EDN3: variants seen among roughly 807,000 people sequenced by gnomAD.
EDN3 encodes endothelin 3, also known as endothelin-3.
A neutral mutation model predicts 21.4 loss-of-function variants in EDN3; 9 were observed. The observed-to-expected ratio is 0.42, with a 90% CI of 0.25 to 0.73. EDN3 has a LOEUF of 0.73. EDN3 is among the 30% of genes least tolerant of loss of function. The probability of loss-of-function intolerance (pLI) is 0.26; values close to 1 mark genes in which losing one functional copy is unlikely to be tolerated. For synonymous variants in EDN3, 133 were observed against 126.2 expected (o/e 1.05, Z -0.36); for missense variants, 327 against 309.4 (o/e 1.06, Z -0.43).
chr20:59,300,669 G>A lies in EDN3; in HGVS notation c.-144G>A, dbSNP rs1437582223. The A allele has an allele frequency of 9.1e-6, 7 of 765,218 alleles. No homozygotes were observed. Among genetic ancestry groups the A allele is most frequent in the East Asian group, 2.7e-5 (1 of 36,838 alleles). The allele number at this position is 765,218 out of a possible 1,614,324, so 47.4% of individuals were successfully genotyped here. A position where few individuals can be genotyped will look rare whatever the true frequency, so the allele number is the denominator to read the frequency against. On this transcript the variant is annotated 5_prime_UTR_variant, in exon 1 of 5. Coordinates refer to ENST00000337938, the MANE Select transcript of EDN3 (RefSeq NM_207034.3). ...TGACCGCCGCAGCCAACTCCTGGCC[G>A]GAGCTGGAGACGCAGCGAGCGATCG...
intron 2 of EDN3, among the ~76,000 whole-genome samples, chr20:59,316,242 T>G (rs1397400669): frequency 6.6e-6 from 1 of 152,184 alleles, no homozygotes; most frequent in Non-Finnish European, 1.5e-5. Flanking sequence ...AAATGCCAAT[T>G]TGCTGACCTC....
At chr20:59,303,190 A>C (rs1989166749) in intron 2 of EDN3, among the ~76,000 whole-genome samples, 1 of 152,244 alleles carries the variant, frequency 6.6e-6, no homozygotes, top group Admixed American at 6.5e-5. Context: ...GGGTCCCATA[A>C]ATTCTGTAGC....
intron 1 of EDN3, 112 bp downstream of exon 1, chr20:59,300,976 T>A: frequency 1.5e-6 from 2 of 1,309,186 alleles, no homozygotes; most frequent in Non-Finnish European, 2.1e-6. Flanking sequence ...AACTCTTGCC[T>A]GGGCTCTGCA....
chr20:59,308,471 G>A (rs1461320791), intron 2 of EDN3, among the ~76,000 whole-genome samples: 1 of 152,218 alleles, frequency 6.6e-6, no homozygotes, highest in Non-Finnish European at 1.5e-5. Flanking sequence ...GTCACGTGGA[G>A]GAGGAACAGA....
chr20:59,324,393 C>G lies in EDN3; in HGVS notation c.651C>G (p.Pro217=), dbSNP rs748005608. The G allele has an allele frequency of 6.2e-6, 10 of 1,614,134 alleles. No homozygotes were observed. Among genetic ancestry groups the G allele is most frequent in the Non-Finnish European group, 8.5e-6 (10 of 1,180,020 alleles). ...ACCTCCACCATCCAAAGCTCATGCCCGGCAGTGGACTCGCCCTCGCTCCAT... is the reference window on the plus strand; with the variant it reads ...ACCTCCACCATCCAAAGCTCATGCCGGGCAGTGGACTCGCCCTCGCTCCAT... ...ALDLHHPKLM[P]GSGLALAPST... Residue 217 remains proline, a synonymous_variant, in exon 5 of 5, where the codon CCC becomes CCG. Transcript: ENST00000337938.
chr20:59,305,733 T>C lies in EDN3; in HGVS notation c.365+4011T>C, dbSNP rs1490042929. ...CGAGGGAGTTGATGTCAAGGAGGTC[T>C]GGAAGCAGAATTCTTTTCTGTTCGG... On this transcript the variant is annotated intron_variant, in intron 2 of 4. Transcript: ENST00000337938. The surrounding 1 kb of genome is among the most constrained non-coding windows in gnomAD (Gnocchi z 4.2). 6.6e-6 allele frequency among the ~76,000 whole-genome samples: 1 copy of C among 152,238 alleles called. No homozygotes were observed. Among genetic ancestry groups the C allele is most frequent in the Non-Finnish European group, 1.5e-5 (1 of 68,042 alleles).
rs1988996818 is a variant in EDN3 at position 59,301,325 on chromosome 20, A to AC, written c.53-79dup. ...ACTTTGCAGACATTTTGCTTGCTCC[A>AC]CCCCCCTCCTCAGGTGTTTGGGGGT... On this transcript the variant is annotated intron_variant, in intron 1 of 4. Transcript: ENST00000337938. 4.0e-6 allele frequency: 6 copies of AC among 1,510,054 alleles called. No individual in the cohort carries two copies. The Admixed American group carries it at 5.3e-5, about 13-fold the overall frequency. The allele number at this position is 1,510,054 out of a possible 1,614,324, so 93.5% of individuals were successfully genotyped here.
chr20:59,324,669 A>C lies in EDN3; in HGVS notation c.*210A>C. 3.1e-6 allele frequency: 2 copies of C among 649,872 alleles called. No individual in the cohort carries two copies. Among genetic ancestry groups the C allele is most frequent in the Non-Finnish European group, 5.3e-6 (2 of 377,370 alleles). The allele number at this position is 649,872 out of a possible 1,614,324, so 40.3% of individuals were successfully genotyped here. On this transcript the variant is annotated 3_prime_UTR_variant, in exon 5 of 5. Transcript: ENST00000337938. ...TTCCTAATGAGTAAAATGATCCCAGATGTGCCCCAGAGCATGACGCCTGCA... is the reference window on the plus strand; with the variant it reads ...TTCCTAATGAGTAAAATGATCCCAGCTGTGCCCCAGAGCATGACGCCTGCA...
At position 59,324,578 on chromosome 20, in the gene EDN3, A is replaced by C; in HGVS notation, c.*119A>C. 4.2e-6 allele frequency: 6 copies of C among 1,411,826 alleles called. No homozygotes were observed. The highest frequency in any genetic ancestry group is 3.9e-6 in the Non-Finnish European group (4 of 1,020,292). 87.5% of individuals were successfully genotyped at this position (1,411,826 alleles called of 1,614,324 possible). On this transcript the variant is annotated 3_prime_UTR_variant, in exon 5 of 5. Transcript: ENST00000337938. Reference sequence around the variant, plus strand: ...TTGCCTGGGGCAGAACACCCACCCAAAGAGTCCCCACTTAACAATACCCCC... The same window carrying C: ...TTGCCTGGGGCAGAACACCCACCCACAGAGTCCCCACTTAACAATACCCCC...
At position 59,321,044 on chromosome 20, in the gene EDN3, C is replaced by T. The variant is rs777336048; in HGVS notation, c.393C>T (p.Asn131=). ...AGACGGTGCCCTATGGACTGTCCAA[C>T]TACAGAGGAAGCTTCCGGGGCAAGA... ...PEQTVPYGLS[N]YRGSFRGKRS... is the part of the protein sequence containing the mutation. The change falls in exon 3 of 5, where the codon AAC becomes AAT. Residue 131 remains asparagine, a synonymous_variant. Transcript: ENST00000337938. The T allele has an allele frequency of 1.9e-6, 3 of 1,614,220 alleles. No homozygotes were observed. Among genetic ancestry groups the T allele is most frequent in the East Asian group, 4.5e-5 (2 of 44,884 alleles).
rs1990608091 is a variant in EDN3, at chr20:59,322,443, G to A, written c.588+26G>A. 6.2e-7 allele frequency: 1 copy of A among 1,614,174 alleles called. No homozygotes were observed. Among genetic ancestry groups the A allele is most frequent in the East Asian group, 2.2e-5 (1 of 44,886 alleles). ...GTGAGAGGTGCCAACAGAGGCCTGT[G>A]TCAAAGGAGGTGAAGATGTGACGTG... is the stretch of plus-strand genomic sequence containing the variant. On this transcript the variant is annotated intron_variant, in intron 4 of 4. Transcript: ENST00000337938. This position sits in a 1 kb window ranked among gnomAD's most constrained non-coding sequence, Gnocchi z 4.1.
chr20:59,306,132 C>T (rs1989394714), intron 2 of EDN3, among the ~76,000 whole-genome samples: 1 of 152,206 alleles, frequency 6.6e-6, no homozygotes, highest in African/African-American at 2.4e-5. Context: ...CTGTTCATCC[C>T]TCTAAGGACA....
chr20:59,311,106 C>A (rs1989774381), intron 2 of EDN3, among the ~76,000 whole-genome samples: 4 of 152,138 alleles, frequency 2.6e-5, no homozygotes, highest in Admixed American at 6.5e-5. Context: ...CAGGATCCAG[C>A]CCTGAGCTTG....
chr20:59,303,255 G>A (rs1479832279), intron 2 of EDN3, among the ~76,000 whole-genome samples: 3 of 152,190 alleles, frequency 2.0e-5, no homozygotes, highest in African/African-American at 7.2e-5. Context: ...AGGATGGGAG[G>A]TGCCTCCCTG....
In EDN3 at chr20:59,300,759, C is replaced by T; in HGVS notation, c.-54C>T. The T allele has an allele frequency of 6.3e-7, 1 of 1,577,732 alleles. No individual in the cohort carries two copies. Among genetic ancestry groups the T allele is most frequent in the South Asian group, 1.1e-5 (1 of 87,566 alleles). ...TGTACCCGGCCCCAGTGCCCTTTCG[C>T]GGCCACAAGCGGCCGTCCTCCTGGT... On this transcript the variant is annotated 5_prime_UTR_variant, in exon 1 of 5. Transcript: ENST00000337938.
chr20:59,304,656 G>A (rs1265994396), intron 2 of EDN3, among the ~76,000 whole-genome samples: 2 of 152,156 alleles, frequency 1.3e-5, no homozygotes, highest in African/African-American at 4.8e-5. Context: ...CTGAGATGCT[G>A]CAGGAGTCAT....
chr20:59,302,440 G>A (rs144424126), intron 2 of EDN3, among the ~76,000 whole-genome samples: 25 of 152,264 alleles, frequency 1.6e-4, no homozygotes, highest in African/African-American at 5.3e-4. Context: ...CTTGGGGTTC[G>A]TCCAGTGGGG....
chr20:59,308,001 A>T (rs748545783), intron 2 of EDN3, among the ~76,000 whole-genome samples: 1 of 152,158 alleles, frequency 6.6e-6, no homozygotes, highest in East Asian at 1.9e-4. Context: ...ATGTTAACAC[A>T]TGGGCAAAAC....
chr20:59,320,952 C>G, intron 2 of EDN3, 65 bp from the exon 3 acceptor site: 1 of 1,596,138 alleles, frequency 6.3e-7, no homozygotes, highest in Non-Finnish European at 8.6e-7. Context: ...TCGCTCCACA[C>G]CCTTGGGGGC....
Sources: gnomAD v4.1 joint callset for allele counts (sites outside exome capture counted in the v4.1 genomes callset) on GRCh38, gnomAD v4.1.1 for gene constraint, Gnocchi (gnomAD v3.1) non-coding constraint, MANE v1.5 for transcripts, NCBI Gene and HGNC (gene_info 2026-07-23, HGNC 2026-07-21) for gene names.